Variants in NHSL1 observed in about 807,000 individuals in gnomAD.
NHSL1 encodes the protein NHS like 1.
Under a neutral mutation model 95.0 loss-of-function variants are expected in NHSL1, and 48 were observed. That is an observed-to-expected ratio of 0.51 (90% confidence interval 0.40 to 0.64). The LOEUF (loss-of-function observed/expected upper bound fraction) is 0.64. Among genes scored for constraint, NHSL1 ranks in the 30% least tolerant of loss-of-function variants. The pLI, the probability that NHSL1 is intolerant of heterozygous loss-of-function variation, is 0.00. For synonymous variants in NHSL1, 783 were observed against 833.9 expected (o/e 0.94, Z 1.05); for missense variants, 1,971 against 2,077.7 (o/e 0.95, Z 1.00).
intron 1 of NHSL1, among the ~76,000 whole-genome samples, chr6:138,515,604 T>C (rs1402561387): frequency 1.3e-5 from 2 of 152,214 alleles, no homozygotes; most frequent in African/African-American, 2.4e-5. Context: ...TGCCAGTAAG[T>C]TAGTTGATCA....
intron 1 of NHSL1, among the ~76,000 whole-genome samples, chr6:138,688,417 G>A (rs373419645): frequency 4.6e-5 from 7 of 151,984 alleles, no homozygotes; most frequent in Non-Finnish European, 7.4e-5. Flanking sequence ...AGGCCGAGGC[G>A]GGTGGATCAC....
chr6:138,465,954 C>T (rs1436784587), intron 3 of NHSL1, among the ~76,000 whole-genome samples: 1 of 149,662 alleles, frequency 6.7e-6, no homozygotes, highest in Non-Finnish European at 1.5e-5. Flanking sequence ...AAACTCCTGA[C>T]CTTAGGTGAT....
At chr6:138,646,952 A>G (rs1467655058) in intron 1 of NHSL1, among the ~76,000 whole-genome samples, 1 of 152,246 alleles carries the variant, frequency 6.6e-6, no homozygotes, top group Non-Finnish European at 1.5e-5. Flanking sequence ...ATGAATTATG[A>G]GACATGAGTA....
intron 1 of NHSL1, among the ~76,000 whole-genome samples, chr6:138,586,153 G>C (rs1784132357): frequency 2.6e-5 from 4 of 151,452 alleles, no homozygotes; most frequent in Admixed American, 2.6e-4. Context: ...GGAGTGCAGT[G>C]GTGCAATCTT....
chr6:138,573,171 T>A (rs902103684), upstream of NHSL1, among the ~76,000 whole-genome samples: 1 of 152,200 alleles, frequency 6.6e-6, no homozygotes, highest in African/African-American at 2.4e-5. Context: ...CTAGTGGCAC[T>A]TAGCTGCAGG....
upstream of NHSL1, among the ~76,000 whole-genome samples, chr6:138,573,730 A>G (rs1197979465): frequency 6.6e-6 from 1 of 152,192 alleles, no homozygotes; most frequent in Non-Finnish European, 1.5e-5. Context: ...TTTAAACTCC[A>G]TGATTTTCAG....
intron 1 of NHSL1, among the ~76,000 whole-genome samples, chr6:138,686,995 G>A (rs1785592401): frequency 1.3e-5 from 2 of 152,142 alleles, no homozygotes; most frequent in African/African-American, 4.8e-5. Flanking sequence ...TTAATAAATT[G>A]AGGGACTGGG....
intron 2 of NHSL1, 24 bp downstream of exon 2, chr6:138,496,195 A>G: frequency 1.9e-6 from 3 of 1,550,296 alleles, no homozygotes; most frequent in Non-Finnish European, 2.6e-6. Context: ...CAAGAAAATA[A>G]GCTCACAGAG....
At chr6:138,653,812 A>G (rs976020621) in intron 1 of NHSL1, among the ~76,000 whole-genome samples, 17 of 152,228 alleles carry the variant, frequency 1.1e-4, no homozygotes, top group African/African-American at 4.1e-4. Context: ...TTCAAAACAC[A>G]AATACATATG....
At chr6:138,601,929 AC>A (rs1424780101) in intron 1 of NHSL1, among the ~76,000 whole-genome samples, 1 of 152,166 alleles carries the variant, frequency 6.6e-6, no homozygotes, top group Non-Finnish European at 1.5e-5. Context: ...ACACACTTTA[AC>A]TTTTTCATTG....
At chr6:138,691,461 T>C (rs1018971825) in intron 1 of NHSL1, among the ~76,000 whole-genome samples, 1 of 152,252 alleles carries the variant, frequency 6.6e-6, no homozygotes, top group Non-Finnish European at 1.5e-5. Context: ...TTTTTCTAGC[T>C]AGCTGGAAAA....
In NHSL1 at chr6:138,424,039, TC is replaced by T; in HGVS notation, c.*41del. The T allele has an allele frequency of 7.4e-7, 1 of 1,346,034 alleles. No homozygotes were observed. Among genetic ancestry groups the T allele is most frequent in the Non-Finnish European group, 9.5e-7 (1 of 1,051,970 alleles). 83.4% of individuals were successfully genotyped at this position (1,346,034 alleles called of 1,614,324 possible). ...CAGGCTTCCTAGAGTGCTGCATTGC[TC>T]GTCTCCCCCCGTGTCACCTGGGAGA... On this transcript the variant is annotated 3_prime_UTR_variant, in exon 8 of 8. Coordinates refer to ENST00000343505, the MANE Select transcript of NHSL1 (RefSeq NM_001144060.2). This position sits in a 1 kb window ranked among gnomAD's most constrained non-coding sequence, Gnocchi z 5.9.
chr6:138,435,882 G>A (rs1473027567), intron 5 of NHSL1, among the ~76,000 whole-genome samples: 2 of 151,902 alleles, frequency 1.3e-5, no homozygotes, highest in East Asian at 3.9e-4. Context: ...ATTATTATTA[G>A]ATCTGTTACG....
At chr6:138,558,914 CG>C (rs1356964816) in intron 1 of NHSL1, among the ~76,000 whole-genome samples, 1 of 152,010 alleles carries the variant, frequency 6.6e-6, no homozygotes, top group Non-Finnish European at 1.5e-5. Context: ...CCAGGCATGG[CG>C]GCAGGCCCCT....
intron 1 of NHSL1, among the ~76,000 whole-genome samples, chr6:138,504,520 C>T (rs1462831851): frequency 6.6e-6 from 1 of 152,174 alleles, no homozygotes; most frequent in African/African-American, 2.4e-5. Flanking sequence ...AAGCCCAGAC[C>T]TGGGATGTGG....
intron 1 of NHSL1, among the ~76,000 whole-genome samples, chr6:138,607,174 T>C (rs772144163): frequency 3.3e-5 from 5 of 152,226 alleles, no homozygotes; most frequent in Non-Finnish European, 7.3e-5. Context: ...TCTCTGGAAA[T>C]TAGCATCACG....
intron 1 of NHSL1, among the ~76,000 whole-genome samples, chr6:138,516,588 T>TTTGTTGTTG (rs769534036): frequency 4.6e-5 from 7 of 151,732 alleles, no homozygotes; most frequent in Admixed American, 4.6e-4. Flanking sequence ...TCAAAGTTGT[T>TTTGTTGTTG]TTGTTGTTGT....
intron 4 of NHSL1, among the ~76,000 whole-genome samples, chr6:138,444,644 A>T (rs1428511289): frequency 6.6e-6 from 1 of 150,740 alleles, no homozygotes; most frequent in Admixed American, 6.6e-5. Context: ...TGCTCACCCC[A>T]GCGAACGAGC....
intron 1 of NHSL1, among the ~76,000 whole-genome samples, chr6:138,602,295 T>C (rs928521492): frequency 6.6e-6 from 1 of 152,212 alleles, no homozygotes; most frequent in Non-Finnish European, 1.5e-5. Context: ...TCATTAGATT[T>C]ATACCTAAGT....
Sources: allele counts gnomAD v4.1 joint callset (sites outside exome capture counted in the v4.1 genomes callset), GRCh38; gene constraint gnomAD v4.1.1; non-coding constraint Gnocchi (gnomAD v3.1); transcripts MANE v1.5; gene names NCBI Gene and HGNC (gene_info 2026-07-23, HGNC 2026-07-21).